TDRD10: variants seen among roughly 807,000 people sequenced by gnomAD.
The protein encoded by TDRD10 is tudor domain-containing protein 10.
In TDRD10, 40 loss-of-function variants were observed where a neutral mutation model predicts 48.0. The observed-to-expected ratio is 0.83, with a 90% CI of 0.65 to 1.09. The LOEUF (loss-of-function observed/expected upper bound fraction) is 1.09. Ranked by LOEUF, TDRD10 falls within the 50% of genes least tolerant of loss-of-function variation. The probability of loss-of-function intolerance (pLI) is 0.00; values close to 1 mark genes in which losing one functional copy is unlikely to be tolerated. For synonymous variants in TDRD10, 162 were observed against 170.4 expected, an observed-to-expected ratio of 0.95 and a Z score of 0.38; for missense variants, 378 against 434.7, an observed-to-expected ratio of 0.87 and a Z score of 1.16.
At chr1:154,541,525 T>C (rs1695232227) in intron 6 of TDRD10, among the ~76,000 whole-genome samples, 1 of 151,540 alleles carries the variant, frequency 6.6e-6, no homozygotes, top group East Asian at 1.9e-4. Context: ...TTCCCCAGGG[T>C]TGGGGGTTTT....
In TDRD10 at chr1:154,547,802, C is replaced by G. The variant is rs1192352208; in HGVS notation, c.*92C>G. 2.6e-6 allele frequency: 4 copies of G among 1,525,974 alleles called. No homozygotes were observed. In the African/African-American group the frequency reaches 5.5e-5, roughly 21 times the overall value. 94.5% of individuals were successfully genotyped at this position (1,525,974 alleles called of 1,614,324 possible). On this transcript the variant is annotated 3_prime_UTR_variant, in exon 13 of 13. Coordinates refer to ENST00000368482, the MANE Select transcript of TDRD10 (RefSeq NM_182499.4). ...CTCGTACCCCTTTCACTCTTGAGGC[C>G]TGGGAGGTGAAAAAGGCCAGACTGT...
chr1:154,507,076 G>T, intron 2 of TDRD10, 165 bp from the exon 3 acceptor site: 2 of 985,382 alleles, frequency 2.0e-6, no homozygotes, highest in Non-Finnish European at 2.4e-6. Context: ...AAGGTCCAGT[G>T]GAGGGCTTCC....
chr1:154,543,604 C>T (rs1695371055), intron 8 of TDRD10, among the ~76,000 whole-genome samples: 1 of 152,152 alleles, frequency 6.6e-6, no homozygotes, highest in African/African-American at 2.4e-5. Context: ...ACAGTCCACA[C>T]CTGCATCATT....
chr1:154,512,349 T>C (rs1224747183), intron 4 of TDRD10, among the ~76,000 whole-genome samples: 1 of 152,132 alleles, frequency 6.6e-6, no homozygotes, highest in Non-Finnish European at 1.5e-5. Context: ...TGTTGTTGTT[T>C]GTTTTTGTTT....
Position 154,547,765 on chromosome 1 carries a change from C to G in TDRD10, c.*55C>G. Reference sequence around the variant, plus strand: ...TGTTTGCCACGGATCCAGAGGCCACCTGCCCTGTCTTCTCGTACCCCTTTC... The same window carrying G: ...TGTTTGCCACGGATCCAGAGGCCACGTGCCCTGTCTTCTCGTACCCCTTTC... On this transcript the variant is annotated 3_prime_UTR_variant, in exon 13 of 13. Transcript: ENST00000368482. The G allele has an allele frequency of 6.2e-7, 1 of 1,603,184 alleles. No homozygotes were observed. The highest frequency in any genetic ancestry group is 8.5e-7 in the Non-Finnish European group (1 of 1,171,738).
chr1:154,536,046 GTAAAT>G (rs1694902456), intron 6 of TDRD10, among the ~76,000 whole-genome samples: 1 of 152,218 alleles, frequency 6.6e-6, no homozygotes, highest in Non-Finnish European at 1.5e-5. Flanking sequence ...GGAAATCCAA[GTAAAT>G]GGACTGGGGA....
At chr1:154,538,983 C>G (rs1033813153) in intron 6 of TDRD10, among the ~76,000 whole-genome samples, 2 of 152,186 alleles carry the variant, frequency 1.3e-5, no homozygotes, top group East Asian at 3.8e-4. Context: ...AATTGTTTTA[C>G]CGTATGAACT....
intron 12 of TDRD10, 75 bp downstream of exon 12, chr1:154,547,554 C>G (rs1695673642): frequency 4.3e-6 from 7 of 1,614,218 alleles, no homozygotes; most frequent in Non-Finnish European, 5.9e-6. Flanking sequence ...AGGCTGCTGC[C>G]TAGGCCTGGA....
chr1:154,509,733 G>T (rs1283352786), intron 4 of TDRD10: 6 of 790,866 alleles, frequency 7.6e-6, no homozygotes, highest in Non-Finnish European at 9.2e-6. Flanking sequence ...GGGCAGGTTG[G>T]GGGATTCCTG....
At chr1:154,523,025 C>G (rs998724477) in intron 6 of TDRD10, among the ~76,000 whole-genome samples, 9 of 152,114 alleles carry the variant, frequency 5.9e-5, no homozygotes, top group Non-Finnish European at 1.2e-4. Flanking sequence ...AAGGGATTCT[C>G]CCACCTCAGC....
chr1:154,521,792 C>T (rs1694073380), intron 6 of TDRD10, among the ~76,000 whole-genome samples: 1 of 152,210 alleles, frequency 6.6e-6, no homozygotes, highest in Non-Finnish European at 1.5e-5. Context: ...ATGTAGCAGA[C>T]ATTGAGTGTC....
At chr1:154,510,775 G>T (rs529117918) in intron 4 of TDRD10, among the ~76,000 whole-genome samples, 1 of 151,798 alleles carries the variant, frequency 6.6e-6, no homozygotes, top group Non-Finnish European at 1.5e-5. Context: ...GGCCAGGCGC[G>T]GTGGCTCACG....
chr1:154,545,581 C>CT (rs35446496), intron 11 of TDRD10, among the ~76,000 whole-genome samples: 12 of 150,858 alleles, frequency 8.0e-5, no homozygotes, highest in African/African-American at 2.4e-4. Context: ...TAAAAAATTT[C>CT]TTTTTTTTTC....
chr1:154,539,829 T>G (rs1321205384), intron 6 of TDRD10, among the ~76,000 whole-genome samples: 1 of 152,094 alleles, frequency 6.6e-6, no homozygotes. Flanking sequence ...AACTAAAATA[T>G]GATGATGTGA....
At chr1:154,546,123 G>T (rs1378887710) in intron 11 of TDRD10, among the ~76,000 whole-genome samples, 3 of 149,342 alleles carry the variant, frequency 2.0e-5, no homozygotes, top group Non-Finnish European at 3.0e-5. Flanking sequence ...GCCCAGGCTG[G>T]AGTGCAGTGG....
chr1:154,513,984 G>C (rs1304768703), intron 4 of TDRD10, among the ~76,000 whole-genome samples: 1 of 152,184 alleles, frequency 6.6e-6, no homozygotes, highest in Non-Finnish European at 1.5e-5. Flanking sequence ...GAGGTCAGGA[G>C]TTTGAGACCA....
chr1:154,526,637 T>A (rs1694332182), intron 6 of TDRD10, among the ~76,000 whole-genome samples: 1 of 151,892 alleles, frequency 6.6e-6, no homozygotes, highest in South Asian at 2.1e-4. Context: ...TGTATTTTTG[T>A]AGAGACAGGG....
chr1:154,525,800 C>T (rs1694280866), intron 6 of TDRD10, among the ~76,000 whole-genome samples: 1 of 146,166 alleles, frequency 6.8e-6, no homozygotes, highest in African/African-American at 2.5e-5. Flanking sequence ...GAGGCTGAGG[C>T]AGGGAGAATT....
intron 4 of TDRD10, among the ~76,000 whole-genome samples, chr1:154,509,490 G>A (rs938101401): frequency 1.3e-5 from 2 of 152,114 alleles, no homozygotes; most frequent in African/African-American, 2.4e-5. Flanking sequence ...GAGAGGTCAC[G>A]TCCCGCAGCT....
Sources: allele counts gnomAD v4.1 joint callset (sites outside exome capture counted in the v4.1 genomes callset), GRCh38; gene constraint gnomAD v4.1.1; transcripts MANE v1.5; gene names NCBI Gene and HGNC (gene_info 2026-07-23, HGNC 2026-07-21).